ADGRB3: variants seen among roughly 807,000 people sequenced by gnomAD.
The protein encoded by ADGRB3 is brain-specific angiogenesis inhibitor 3.
ADGRB3 carries 37 observed loss-of-function variants against 193.4 expected under a neutral mutation model. That is an observed-to-expected ratio of 0.19 (90% CI 0.15 to 0.25). ADGRB3 has a LOEUF of 0.25. Among genes scored for constraint, ADGRB3 ranks in the 10% least tolerant of loss-of-function variants. The probability of loss-of-function intolerance (pLI) is 1.00; values close to 1 mark genes in which losing one functional copy is unlikely to be tolerated. For missense variants in ADGRB3, 1,637 were observed against 1,852.9 expected (o/e 0.88, Z 2.14); for synonymous variants, 690 against 644.2 (o/e 1.07, Z -1.08).
chr6:69,171,296 AG>A (rs1775264739), intron 17 of ADGRB3, among the ~76,000 whole-genome samples: 1 of 152,198 alleles, frequency 6.6e-6, no homozygotes, highest in African/African-American at 2.4e-5. Flanking sequence ...TTAGTTGATA[AG>A]AACAAGAAAA....
At chr6:69,101,452 G>GTGTGTC (rs398001903) in intron 17 of ADGRB3, among the ~76,000 whole-genome samples, 37 of 151,654 alleles carry the variant, frequency 2.4e-4, no homozygotes, top group Non-Finnish European at 4.0e-4. Flanking sequence ...GTGTGTGTGT[G>GTGTGTC]TGTGTGTGTA....
intron 20 of ADGRB3, among the ~76,000 whole-genome samples, chr6:69,240,031 ATAAT>A (rs1766351715): frequency 6.6e-6 from 1 of 152,076 alleles, no homozygotes; most frequent in African/African-American, 2.4e-5. Flanking sequence ...ACAAAAGCGA[ATAAT>A]TAAAAATTTT....
chr6:69,333,941 TAAAATAAAATAA>T (rs1340509026), intron 24 of ADGRB3, among the ~76,000 whole-genome samples: 9 of 1,026 alleles, frequency 8.8e-3, no homozygotes, highest in African/African-American at 0.019. Flanking sequence ...AAAAACAAAA[TAAAATAAAATAA>T]AATAAAATAA....
chr6:68,643,059 G>T (rs1252973943), intron 3 of ADGRB3, among the ~76,000 whole-genome samples: 1 of 152,088 alleles, frequency 6.6e-6, no homozygotes, highest in East Asian at 1.9e-4. Flanking sequence ...TCTACACCAG[G>T]ATATCTAAAT....
intron 16 of ADGRB3, among the ~76,000 whole-genome samples, chr6:69,073,611 C>T (rs758843019): frequency 2.0e-4 from 31 of 152,136 alleles, no homozygotes; most frequent in Non-Finnish European, 1.2e-4. Flanking sequence ...GGGCCAGGCT[C>T]CTCCCCTGCA....
intron 17 of ADGRB3, among the ~76,000 whole-genome samples, chr6:69,205,786 T>C (rs1256231877): frequency 3.3e-5 from 5 of 151,602 alleles, no homozygotes; most frequent in Admixed American, 1.3e-4. Context: ...ATCATGTAAT[T>C]TTTTTACATT....
At chr6:68,714,175 T>C (rs1284867150) in intron 3 of ADGRB3, among the ~76,000 whole-genome samples, 1 of 151,802 alleles carries the variant, frequency 6.6e-6, no homozygotes, top group African/African-American at 2.4e-5. Flanking sequence ...GTGGTATTAA[T>C]TTGTACTTCA....
At chr6:68,887,274 A>T (rs1047009592) in intron 3 of ADGRB3, among the ~76,000 whole-genome samples, 1 of 152,118 alleles carries the variant, frequency 6.6e-6, no homozygotes. Context: ...TCAACAATAG[A>T]AAAAATGGGC....
chr6:68,912,779 CA>C (rs1487445875), intron 3 of ADGRB3, among the ~76,000 whole-genome samples: 1 of 152,116 alleles, frequency 6.6e-6, no homozygotes, highest in African/African-American at 2.4e-5. Context: ...TCGGGAAACA[CA>C]AGGGGTCAGG....
intron 4 of ADGRB3, among the ~76,000 whole-genome samples, chr6:68,931,279 A>G (rs1390769241): frequency 6.6e-6 from 1 of 152,000 alleles, no homozygotes; most frequent in Non-Finnish European, 1.5e-5. Context: ...TTAATTCTAA[A>G]TTAATTAGAT....
At chr6:69,271,921 A>G (rs1767190313) in intron 20 of ADGRB3, among the ~76,000 whole-genome samples, 1 of 152,184 alleles carries the variant, frequency 6.6e-6, no homozygotes, top group Non-Finnish European at 1.5e-5. Flanking sequence ...CTTGCTTATA[A>G]AATTGCAGTG....
At chr6:69,041,605 T>A (rs1771073378) in intron 13 of ADGRB3, among the ~76,000 whole-genome samples, 1 of 147,722 alleles carries the variant, frequency 6.8e-6, no homozygotes, top group Non-Finnish European at 1.5e-5. Context: ...ATGTTGCTAA[T>A]AAAGATAGCT....
At chr6:69,179,313 A>C (rs1320348706) in intron 17 of ADGRB3, among the ~76,000 whole-genome samples, 1 of 152,180 alleles carries the variant, frequency 6.6e-6, no homozygotes, top group Non-Finnish European at 1.5e-5. Context: ...GAAAATTTTT[A>C]AGTGAGTTTT....
At chr6:69,089,628 A>G (rs1772648993) in intron 17 of ADGRB3, among the ~76,000 whole-genome samples, 1 of 152,228 alleles carries the variant, frequency 6.6e-6, no homozygotes, top group Non-Finnish European at 1.5e-5. Flanking sequence ...TATCTCTTTT[A>G]TAACCACTTT....
At position 68,791,257 on chromosome 6, in the gene ADGRB3, C is replaced by G. The variant is rs74539854; in HGVS notation, c.758-139302C>G. ...TAATATTCATTTATGTCCTCTCACA[C>G]CTGTGCCCATATGCACGTAATTACA... On this transcript the variant is annotated intron_variant, in intron 3 of 31. Coordinates refer to ENST00000370598, the MANE Select transcript of ADGRB3 (RefSeq NM_001704.3). Among the ~76,000 whole-genome samples the G allele has an allele frequency of 1.4e-3, 219 of 152,190 alleles. 4 individuals carry two copies. In the East Asian group the frequency reaches 0.041, roughly 28 times the overall value.
At chr6:68,877,885 T>A (rs1451020721) in intron 3 of ADGRB3, among the ~76,000 whole-genome samples, 1 of 152,094 alleles carries the variant, frequency 6.6e-6, no homozygotes, top group Admixed American at 6.5e-5. Context: ...TTTTCTTTTT[T>A]TAAAAAATGA....
intron 17 of ADGRB3, among the ~76,000 whole-genome samples, chr6:69,128,556 C>T (rs1475145036): frequency 1.3e-5 from 2 of 152,206 alleles, no homozygotes; most frequent in South Asian, 2.1e-4. Context: ...TAGATATAAA[C>T]TCACCCCACT....
At chr6:69,271,798 T>C (rs1256869865) in intron 20 of ADGRB3, among the ~76,000 whole-genome samples, 1 of 152,176 alleles carries the variant, frequency 6.6e-6, no homozygotes, top group Non-Finnish European at 1.5e-5. Flanking sequence ...TAGTTAATAT[T>C]TGTTTATTCA....
At chr6:69,247,912 T>C (rs1374425417) in intron 20 of ADGRB3, among the ~76,000 whole-genome samples, 1 of 152,160 alleles carries the variant, frequency 6.6e-6, no homozygotes, top group African/African-American at 2.4e-5. Flanking sequence ...TATTGTTGTA[T>C]TGTTGCCATT....
Sources: allele counts gnomAD v4.1 joint callset (sites outside exome capture counted in the v4.1 genomes callset), GRCh38; gene constraint gnomAD v4.1.1; transcripts MANE v1.5; gene names NCBI Gene and HGNC (gene_info 2026-07-23, HGNC 2026-07-21).